The following RBFOX2 variants were observed in gnomAD, a reference collection of about 807,000 sequenced individuals.
The protein encoded by RBFOX2 is RNA binding protein fox-1 homolog 2.
RBFOX2 carries 10 observed loss-of-function variants against 49.1 expected under a neutral mutation model. That is an observed-to-expected ratio of 0.20 (90% CI 0.13 to 0.35). The LOEUF (loss-of-function observed/expected upper bound fraction) is 0.35, where lower values mean the gene tolerates loss of function less well. Ranked by LOEUF, RBFOX2 falls within the 10% of genes least tolerant of loss-of-function variation. The probability of loss-of-function intolerance (pLI) is 1.00; values close to 1 mark genes in which losing one functional copy is unlikely to be tolerated. For missense variants in RBFOX2, 323 were observed against 486.9 expected (o/e 0.66, Z 3.17); for synonymous variants, 183 against 187.4 (o/e 0.98, Z 0.19).
chr22:35,973,579 G>T (rs1354199213), intron 1 of RBFOX2, among the ~76,000 whole-genome samples: 1 of 152,190 alleles, frequency 6.6e-6, no homozygotes, highest in African/African-American at 2.4e-5. Context: ...ACTGTCTGTT[G>T]TCAGCCCCTC....
At chr22:35,979,180 G>A (rs904341725) in intron 1 of RBFOX2, among the ~76,000 whole-genome samples, 1 of 152,132 alleles carries the variant, frequency 6.6e-6, no homozygotes, top group Non-Finnish European at 1.5e-5. Context: ...AGAAACAGAT[G>A]GACCCAGATC....
chr22:35,741,867 C>A (rs1930121100), exon 12 of RBFOX2: 1 of 152,604 alleles, frequency 6.6e-6, no homozygotes, highest in Non-Finnish European at 1.5e-5. Context: ...TAAACTCATT[C>A]TCCTATTCTC....
chr22:35,970,543 C>T (rs571925807), intron 1 of RBFOX2, among the ~76,000 whole-genome samples: 95 of 151,802 alleles, frequency 6.3e-4, no homozygotes, highest in Middle Eastern at 6.9e-3. Flanking sequence ...TACCTGTAGT[C>T]CCAGCTACTT....
chr22:35,796,462 A>G (rs539295160), intron 2 of RBFOX2, among the ~76,000 whole-genome samples: 1 of 152,220 alleles, frequency 6.6e-6, no homozygotes, highest in African/African-American at 2.4e-5. Flanking sequence ...TAACTTAAGT[A>G]TACAAAGAAA....
chr22:35,949,165 T>C (rs1352026040), intron 1 of RBFOX2, among the ~76,000 whole-genome samples: 1 of 152,260 alleles, frequency 6.6e-6, no homozygotes, highest in East Asian at 1.9e-4. Context: ...AATTTCCTTC[T>C]AAGTCCAAAT....
chr22:35,860,965 T>C (rs1389907892), intron 1 of RBFOX2, among the ~76,000 whole-genome samples: 1 of 152,204 alleles, frequency 6.6e-6, no homozygotes, highest in Non-Finnish European at 1.5e-5. Flanking sequence ...CTAGATCCCA[T>C]AATACTCACA....
intron 1 of RBFOX2, among the ~76,000 whole-genome samples, chr22:36,010,378 A>G (rs554273722): frequency 6.6e-6 from 1 of 152,012 alleles, no homozygotes; most frequent in South Asian, 2.1e-4. Flanking sequence ...GGAAAGGAAC[A>G]CCTTCCTCTG....
chr22:35,860,144 G>C (rs2042949121), intron 1 of RBFOX2, among the ~76,000 whole-genome samples: 1 of 152,080 alleles, frequency 6.6e-6, no homozygotes, highest in South Asian at 2.1e-4. Flanking sequence ...TCCACCCCTT[G>C]AATTTGGTCT....
intron 1 of RBFOX2, among the ~76,000 whole-genome samples, chr22:35,821,602 CAAAAAAAAAAAAAA>C (rs1158936385): frequency 0.15 from 5,623 of 36,548 alleles, 532 homozygotes; most frequent in African/African-American, 0.34. Flanking sequence ...ACTCCGTCTC[CAAAAAAAAAAAAAA>C]AAAAAAAAAA....
chr22:35,765,315 ACAAAT>A (rs1486919208), intron 6 of RBFOX2, 103 bp downstream of exon 7: 5 of 808,754 alleles, frequency 6.2e-6, no homozygotes, highest in Non-Finnish European at 9.7e-6. Flanking sequence ...CTACTTCAAC[ACAAAT>A]CAAACTGTCT....
At chr22:35,791,669 T>A (rs1022317164) in intron 2 of RBFOX2, among the ~76,000 whole-genome samples, 1 of 152,158 alleles carries the variant, frequency 6.6e-6, no homozygotes, top group African/African-American at 2.4e-5. Flanking sequence ...AACTTGTAAC[T>A]CTCATTATTT....
intron 9 of RBFOX2, among the ~76,000 whole-genome samples, chr22:35,753,905 C>T (rs1315156948): frequency 6.6e-6 from 1 of 150,836 alleles, no homozygotes; most frequent in Non-Finnish European, 1.5e-5. Context: ...GCCTTGGCCT[C>T]CCAAGTAGCT....
exon 12 of RBFOX2, chr22:35,740,150 C>A (rs995071668): frequency 6.6e-6 from 1 of 152,428 alleles, no homozygotes; most frequent in Non-Finnish European, 1.5e-5. Flanking sequence ...GACTCTATTA[C>A]ACTCACTAAA....
In RBFOX2 at chr22:35,994,688, G is replaced by A. The variant is rs377761961; in HGVS notation, c.186+33552C>T. 1.8e-4 allele frequency: 28 copies of A among 152,172 alleles called. No individual in the cohort carries two copies. The East Asian group carries it at 4.4e-3, about 24-fold the overall frequency. 9.4% of individuals were successfully genotyped at this position (152,172 alleles called of 1,614,324 possible). ...CCCAAAGTGCTGGAATTACAAGCGT[G>A]AGGTACCATGCCTAGCTTTTTTATT... On this transcript the variant is annotated intron_variant, in intron 1 of 13. Transcript: ENST00000438146.
At chr22:35,885,815 G>T (rs575892254) in intron 1 of RBFOX2, among the ~76,000 whole-genome samples, 53 of 141,168 alleles carry the variant, frequency 3.8e-4, no homozygotes, top group African/African-American at 1.3e-3. Context: ...AGAGCCTATA[G>T]ATTTGGGTTA....
chr22:36,012,815 A>G (rs1027901692), intron 1 of RBFOX2, among the ~76,000 whole-genome samples: 1 of 151,804 alleles, frequency 6.6e-6, no homozygotes, highest in Non-Finnish European at 1.5e-5. Context: ...CCCGGGCTGG[A>G]GTGCAGTGGC....
At chr22:36,007,173 T>G (rs1169007749) in intron 1 of RBFOX2, among the ~76,000 whole-genome samples, 1 of 152,176 alleles carries the variant, frequency 6.6e-6, no homozygotes, top group Non-Finnish European at 1.5e-5. Context: ...TAATGTACTT[T>G]CCATTTTTAA....
At chr22:35,811,418 C>T (rs1156501180) in intron 1 of RBFOX2, among the ~76,000 whole-genome samples, 1 of 152,142 alleles carries the variant, frequency 6.6e-6, no homozygotes, top group Non-Finnish European at 1.5e-5. Flanking sequence ...GATACAGACA[C>T]ATACAGAGGG....
Position 35,911,102 on chromosome 22 carries a change from T to TC in RBFOX2, c.-34+27744dup, listed in dbSNP as rs563043968. On this transcript the variant is annotated intron_variant, in intron 1 of 13. Coordinates refer to the RBFOX2 transcript ENST00000359369. ...TCCTTGCTTAGGTTGTAACATAGTT[T>TC]CCACTTTAAGCCTGATATGACCTCC... Among the ~76,000 whole-genome samples the TC allele has an allele frequency of 3.7e-4, 57 of 152,300 alleles. 1 individual carries two copies. In the South Asian group the frequency reaches 0.011, roughly 28 times the overall value.
Sources: gnomAD v4.1 joint callset for allele counts (sites outside exome capture counted in the v4.1 genomes callset) on GRCh38, gnomAD v4.1.1 for gene constraint, MANE v1.5 for transcripts, NCBI Gene and HGNC (gene_info 2026-07-23, HGNC 2026-07-21) for gene names.